The following ERC2 variants were observed in gnomAD, a reference collection of about 807,000 sequenced individuals.
The protein encoded by ERC2 is ELKS/RAB6-interacting/CAST family member 2, also known as ERC protein 2.
In ERC2, 42 loss-of-function variants were observed where a neutral mutation model predicts 114.8. The observed-to-expected ratio is 0.37, with a 90% CI of 0.29 to 0.47. ERC2 has a LOEUF of 0.47. ERC2 is among the 20% of genes least tolerant of loss of function. The pLI is 0.99. For synonymous variants in ERC2, 454 were observed against 425.5 expected (o/e 1.07, Z -0.82); for missense variants, 939 against 1,150.7 (o/e 0.82, Z 2.66).
intron 16 of ERC2, 144 bp from the exon 17 acceptor site, chr3:55,684,003 A>G: frequency 1.2e-6 from 1 of 868,822 alleles, no homozygotes; most frequent in Non-Finnish European, 1.7e-6. Flanking sequence ...GAAGAAAAAA[A>G]TCCATAGTAA....
At chr3:55,530,382 T>C (rs2053590453) in intron 17 of ERC2, among the ~76,000 whole-genome samples, 1 of 152,070 alleles carries the variant, frequency 6.6e-6, no homozygotes, top group South Asian at 2.1e-4. Context: ...TGTGATCCAG[T>C]AAAACAAAAA....
At chr3:55,513,525 G>A (rs2052253803) in intron 17 of ERC2, among the ~76,000 whole-genome samples, 2 of 151,990 alleles carry the variant, frequency 1.3e-5, no homozygotes, top group Non-Finnish European at 2.9e-5. Context: ...GACCCTCTCG[G>A]ATGTGATATA....
chr3:56,209,307 G>A (rs1280229395), intron 3 of ERC2, among the ~76,000 whole-genome samples: 1 of 152,022 alleles, frequency 6.6e-6, no homozygotes, highest in Non-Finnish European at 1.5e-5. Context: ...CTCTATTCAG[G>A]CCTTCAAGAT....
At chr3:56,405,980 C>T (rs2060709529) in intron 2 of ERC2, among the ~76,000 whole-genome samples, 2 of 149,488 alleles carry the variant, frequency 1.3e-5, no homozygotes, top group African/African-American at 2.5e-5. Context: ...GCAACCTCCA[C>T]CTCCCAGGTT....
At chr3:55,996,088 A>G (rs1460926117) in intron 10 of ERC2, among the ~76,000 whole-genome samples, 1 of 152,242 alleles carries the variant, frequency 6.6e-6, no homozygotes, top group Admixed American at 6.5e-5. Flanking sequence ...TCATGATCAC[A>G]GTAAATTCCT....
At chr3:55,800,195 C>T (rs1171459801) in intron 14 of ERC2, among the ~76,000 whole-genome samples, 2 of 152,090 alleles carry the variant, frequency 1.3e-5, no homozygotes, top group South Asian at 2.1e-4. Flanking sequence ...GGCTGGAGTG[C>T]AATGGCGTGA....
intron 3 of ERC2, among the ~76,000 whole-genome samples, chr3:56,199,972 T>C (rs2048318188): frequency 6.6e-6 from 1 of 152,060 alleles, no homozygotes; most frequent in Admixed American, 6.6e-5. Context: ...TGAAATATAA[T>C]TGGAGGTATA....
intron 3 of ERC2, among the ~76,000 whole-genome samples, chr3:56,185,879 C>T (rs1264923543): frequency 2.0e-5 from 3 of 151,758 alleles, no homozygotes; most frequent in Non-Finnish European, 4.4e-5. Flanking sequence ...GAGAGAGATG[C>T]GGCAGATGAG....
intron 16 of ERC2, among the ~76,000 whole-genome samples, chr3:55,698,249 G>A (rs1178491396): frequency 2.0e-5 from 3 of 152,088 alleles, no homozygotes; most frequent in East Asian, 3.9e-4. Flanking sequence ...TCAAGCTCAG[G>A]GGCTGGGGAG....
At chr3:55,924,640 G>A (rs1030125274) in intron 13 of ERC2, among the ~76,000 whole-genome samples, 6 of 152,030 alleles carry the variant, frequency 3.9e-5, no homozygotes, top group African/African-American at 1.4e-4. Context: ...GGTGGAGTGA[G>A]GCAGAAAGAA....
chr3:56,143,536 C>T (rs1231458091), intron 5 of ERC2, among the ~76,000 whole-genome samples: 2 of 152,154 alleles, frequency 1.3e-5, no homozygotes, highest in Non-Finnish European at 2.9e-5. Flanking sequence ...CACTCTCTTG[C>T]CTGCTGCCAT....
chr3:56,323,377 C>T (rs1289375557), intron 2 of ERC2, among the ~76,000 whole-genome samples: 3 of 152,078 alleles, frequency 2.0e-5, no homozygotes, highest in Non-Finnish European at 2.9e-5. Context: ...TTCAAGCTAC[C>T]GTCTTTGACA....
intron 14 of ERC2, among the ~76,000 whole-genome samples, chr3:55,853,937 C>A (rs2149247653): frequency 6.6e-6 from 1 of 152,278 alleles, no homozygotes; most frequent in African/African-American, 2.4e-5. Context: ...GCTTTGACCA[C>A]AAGGCCTAAA....
intron 3 of ERC2, among the ~76,000 whole-genome samples, chr3:56,242,936 A>G (rs949011260): frequency 2.0e-5 from 3 of 152,210 alleles, no homozygotes; most frequent in Non-Finnish European, 4.4e-5. Flanking sequence ...CTTCTGATAT[A>G]CATACGTTTC....
chr3:56,306,294 G>A (rs982611116), intron 2 of ERC2, among the ~76,000 whole-genome samples: 2 of 152,104 alleles, frequency 1.3e-5, no homozygotes, highest in African/African-American at 4.8e-5. Flanking sequence ...ACTTGTACAT[G>A]AGCACAACAG....
intron 14 of ERC2, among the ~76,000 whole-genome samples, chr3:55,831,317 G>GA (rs1206347287): frequency 7.4e-5 from 10 of 134,598 alleles, no homozygotes; most frequent in Non-Finnish European, 1.6e-4. Flanking sequence ...AACTTCGAAG[G>GA]AAAGAAGAGG....
chr3:56,203,570 T>A (rs553728434), intron 3 of ERC2, among the ~76,000 whole-genome samples: 3 of 152,314 alleles, frequency 2.0e-5, no homozygotes, highest in Admixed American at 6.5e-5. Context: ...GTTCCAGGTA[T>A]GAGGAAAAGG....
chr3:56,403,900 C>T (rs1560761345), intron 2 of ERC2, among the ~76,000 whole-genome samples: 1 of 152,148 alleles, frequency 6.6e-6, no homozygotes, highest in Admixed American at 6.5e-5. Flanking sequence ...AAAGTGAGAC[C>T]ATCACTTTCT....
intron 13 of ERC2, among the ~76,000 whole-genome samples, chr3:55,904,778 G>C (rs1576121807): frequency 6.6e-6 from 1 of 152,204 alleles, no homozygotes; most frequent in South Asian, 2.1e-4. Context: ...CCGAGGTGTG[G>C]ACAGAGCCAG....
Sources: gnomAD v4.1 joint callset for allele counts (sites outside exome capture counted in the v4.1 genomes callset) on GRCh38, gnomAD v4.1.1 for gene constraint, MANE v1.5 for transcripts, NCBI Gene and HGNC (gene_info 2026-07-23, HGNC 2026-07-21) for gene names.